The following KIF21A variants were observed in gnomAD, a reference collection of about 807,000 sequenced individuals.
KIF21A encodes the protein kinesin-like protein KIF21A.
In KIF21A, 114 loss-of-function variants were observed where a neutral mutation model predicts 202.9. The observed-to-expected ratio is 0.56, with a 90% CI of 0.48 to 0.66. The LOEUF is 0.66. Ranked by LOEUF, KIF21A falls within the 30% of genes least tolerant of loss-of-function variation. The pLI, the probability that KIF21A is intolerant of heterozygous loss-of-function variation, is 0.00. For synonymous variants in KIF21A, 667 were observed against 670.8 expected, an observed-to-expected ratio of 0.99 and a Z score of 0.09; for missense variants, 1,677 against 1,994.9, an observed-to-expected ratio of 0.84 and a Z score of 3.04.
At position 39,386,915 on chromosome 12, in the gene KIF21A, G is replaced by A. The variant is rs541829394; in HGVS notation, c.45-16654C>T. 7.2e-5 allele frequency among the ~76,000 whole-genome samples: 11 copies of A among 152,194 alleles called. No homozygotes were observed. The South Asian group carries it at 1.9e-3, about 26-fold the overall frequency. On this transcript the variant is annotated intron_variant, in intron 1 of 37. Coordinates refer to ENST00000361418, the MANE Select transcript of KIF21A (RefSeq NM_001173464.2). Reference sequence around the variant, plus strand: ...AATCCTGGGACCCTAACAGTTTCTAGCCAGACAATGGGAGCCTGTCCAGAA... The same window carrying A: ...AATCCTGGGACCCTAACAGTTTCTAACCAGACAATGGGAGCCTGTCCAGAA...
At chr12:39,378,279 G>A (rs1396436787) in intron 1 of KIF21A, among the ~76,000 whole-genome samples, 1 of 152,082 alleles carries the variant, frequency 6.6e-6, no homozygotes, top group Non-Finnish European at 1.5e-5. Flanking sequence ...TCTCAATTGA[G>A]GAAACCAGTA....
intron 7 of KIF21A, among the ~76,000 whole-genome samples, 187 bp downstream of exon 7, chr12:39,362,911 G>A (rs1008166825): frequency 1.3e-5 from 2 of 152,106 alleles, no homozygotes; most frequent in African/African-American, 4.8e-5. Context: ...CACCTCAAGG[G>A]ATGCTAGGAT....
intron 1 of KIF21A, among the ~76,000 whole-genome samples, chr12:39,441,659 G>GT (rs1566428157): frequency 8.6e-4 from 1 of 1,168 alleles, no homozygotes; most frequent in African/African-American, 4.0e-3. Context: ...TCCCTGGGTG[G>GT]TAAAAAAAAA....
At chr12:39,374,592 T>C (rs1323837128) in intron 1 of KIF21A, among the ~76,000 whole-genome samples, 1 of 152,164 alleles carries the variant, frequency 6.6e-6, no homozygotes, top group African/African-American at 2.4e-5. Context: ...AGAGAATATA[T>C]CTTATTCATT....
chr12:39,321,299 C>A (rs1391100111), intron 27 of KIF21A: 1 of 152,078 alleles, frequency 6.6e-6, no homozygotes, highest in Non-Finnish European at 1.5e-5. Context: ...TTTTTTACAA[C>A]CTGTCATAAA....
At chr12:39,307,757 G>C (rs1943614836) in intron 33 of KIF21A, 28 bp from the exon 34 acceptor site, 1 of 1,608,704 alleles carries the variant, frequency 6.2e-7, no homozygotes, top group Non-Finnish European at 8.5e-7. Flanking sequence ...AAGCAAAAAA[G>C]TCACACTTCT....
rs1025379453 is a variant in KIF21A at position 39,443,109 on chromosome 12, T to C, written c.-139A>G. On this transcript the variant is annotated 5_prime_UTR_variant, in exon 1 of 38. The change abolishes an upstream ATG in the 5' untranslated region. Transcript: ENST00000361418. ...GCTCACCTCCGCCGCGCTCCAGCCA[T>C]GTTGGGCGACTGAATGGAAAGGTGG... is the stretch of plus-strand genomic sequence containing the variant. 2.8e-5 allele frequency: 23 copies of C among 827,386 alleles called. No individual in the cohort carries two copies. In the African/African-American group the frequency reaches 4.2e-4, roughly 15 times the overall value. The allele number at this position is 827,386 out of a possible 1,614,324, so 51.3% of individuals were successfully genotyped here.
At chr12:39,431,297 G>A (rs1256154871) in intron 1 of KIF21A, among the ~76,000 whole-genome samples, 3 of 152,192 alleles carry the variant, frequency 2.0e-5, no homozygotes, top group African/African-American at 4.8e-5. Context: ...GACAAAAGGG[G>A]ACAAGTTTCC....
intron 24 of KIF21A, among the ~76,000 whole-genome samples, chr12:39,328,203 A>G (rs1946145686): frequency 6.6e-6 from 1 of 152,116 alleles, no homozygotes; most frequent in Non-Finnish European, 1.5e-5. Context: ...CGTGCAAATA[A>G]TATGGCTTAT....
intron 16 of KIF21A, 174 bp from the exon 17 acceptor site, chr12:39,337,377 A>G (rs1592219386): frequency 1.7e-6 from 1 of 592,602 alleles, no homozygotes; most frequent in East Asian, 2.9e-5. Context: ...ATATATTTCT[A>G]TTTCTAATAC....
intron 37 of KIF21A, among the ~76,000 whole-genome samples, chr12:39,296,213 C>A (rs546000324): frequency 9.9e-5 from 15 of 151,446 alleles, no homozygotes; most frequent in Middle Eastern, 6.8e-3. Flanking sequence ...GGACTACAGG[C>A]GCCCACCACC....
intron 25 of KIF21A, 109 bp downstream of exon 25, chr12:39,326,155 G>T: frequency 1.2e-6 from 1 of 850,880 alleles, no homozygotes; most frequent in African/African-American, 1.7e-5. Context: ...TATTCACTAG[G>T]CCATTAGATT....
At chr12:39,331,277 G>A (rs912037403) in intron 22 of KIF21A, among the ~76,000 whole-genome samples, 18 of 151,820 alleles carry the variant, frequency 1.2e-4, no homozygotes, top group African/African-American at 4.3e-4. Flanking sequence ...TTTCTTACAG[G>A]TGACAAATTA....
At chr12:39,342,374 C>T (rs915092721) in intron 12 of KIF21A, among the ~76,000 whole-genome samples, 55 of 152,042 alleles carry the variant, frequency 3.6e-4, no homozygotes, top group Non-Finnish European at 1.2e-4. Flanking sequence ...TAGATTATGC[C>T]CGAAAGCACG....
chr12:39,432,472 A>G (rs563503898), intron 1 of KIF21A, among the ~76,000 whole-genome samples: 4 of 152,340 alleles, frequency 2.6e-5, no homozygotes, highest in Admixed American at 2.0e-4. Flanking sequence ...TAATGCCCTT[A>G]CTAAACAATA....
In KIF21A at chr12:39,415,311, A is replaced by C. The variant is rs989832223; in HGVS notation, c.44+27616T>G. On this transcript the variant is annotated intron_variant, in intron 1 of 37. Transcript: ENST00000361418. Reference sequence around the variant, plus strand: ...CTGGAGTGCACTGGCGCGATCTCGAATCACGGCAAGCTCCGCCTCCCGGGT... The same window carrying C: ...CTGGAGTGCACTGGCGCGATCTCGACTCACGGCAAGCTCCGCCTCCCGGGT... Among the ~76,000 whole-genome samples the C allele has an allele frequency of 9.2e-5, 13 of 141,400 alleles. No homozygotes were observed. The East Asian group carries it at 2.3e-3, about 25-fold the overall frequency. The allele number at this position is 141,400 out of a possible 152,430, so 92.8% of individuals were successfully genotyped here.
chr12:39,393,428 C>T (rs1951514035), intron 1 of KIF21A, among the ~76,000 whole-genome samples: 1 of 152,174 alleles, frequency 6.6e-6, no homozygotes, highest in South Asian at 2.1e-4. Context: ...TTCCTCCCTC[C>T]AATGGACTAA....
chr12:39,421,247 G>T (rs1369802942), intron 1 of KIF21A, among the ~76,000 whole-genome samples: 1 of 152,140 alleles, frequency 6.6e-6, no homozygotes, highest in Non-Finnish European at 1.5e-5. Flanking sequence ...TACCCTAAGT[G>T]TGTAACAGGC....
At chr12:39,356,969 G>T in intron 9 of KIF21A, 74 bp from the exon 10 acceptor site, 1 of 781,094 alleles carries the variant, frequency 1.3e-6, no homozygotes, top group Non-Finnish European at 2.1e-6. Flanking sequence ...AAAAAAAGTC[G>T]GGAAACAAAA....
Sources: allele counts gnomAD v4.1 joint callset (sites outside exome capture counted in the v4.1 genomes callset), GRCh38; gene constraint gnomAD v4.1.1; transcripts MANE v1.5; gene names NCBI Gene and HGNC (gene_info 2026-07-23, HGNC 2026-07-21).